MYBPH: variants seen among roughly 807,000 people sequenced by gnomAD.
The protein encoded by MYBPH is myosin-binding protein H.
Under a neutral mutation model 53.6 loss-of-function variants are expected in MYBPH, and 49 were observed. The observed-to-expected ratio is 0.91, with a 90% CI of 0.73 to 1.16. The LOEUF (loss-of-function observed/expected upper bound fraction) is 1.16. Ranked by LOEUF, MYBPH falls within the 50% of genes most tolerant of loss-of-function variation. The pLI is 0.00. For synonymous variants in MYBPH, 239 were observed against 249.6 expected (o/e 0.96, Z 0.40); for missense variants, 558 against 624.1 (o/e 0.89, Z 1.13).
rs181073092 is a variant in MYBPH at position 203,172,090 on chromosome 1, T to C, written c.509-50A>G. 1,599 of 1,173,376 alleles carry C rather than the reference T, an allele frequency of 1.4e-3. 12 individuals carry two copies. The African/African-American group carries it at 0.023, about 17-fold the overall frequency. The allele number at this position is 1,173,376 out of a possible 1,614,324, so 72.7% of individuals were successfully genotyped here. ...TTAGCAGTGCAGTGGGGTGGCTGAT[T>C]GGGGTTTCTGAGATGGGGCAGGGGA... On this transcript the variant is annotated intron_variant, in intron 3 of 10. Coordinates refer to ENST00000255416, the MANE Select transcript of MYBPH (RefSeq NM_004997.3).
At chr1:203,176,579 A>G (rs1655814360), upstream of MYBPH, among the ~76,000 whole-genome samples, 1 of 151,992 alleles carries the variant, frequency 6.6e-6, no homozygotes, top group Admixed American at 6.6e-5. Flanking sequence ...AGTGGAGGAG[A>G]GCACTCTGAA....
chr1:203,172,031 T>C lies in MYBPH; in HGVS notation c.518A>G (p.Lys173Arg). 1 of 1,317,410 alleles carries C rather than the reference T, an allele frequency of 7.6e-7. No individual in the cohort carries two copies. Among genetic ancestry groups the C allele is most frequent in the South Asian group, 3.2e-5 (1 of 31,644 alleles). 81.6% of individuals were successfully genotyped at this position (1,317,410 alleles called of 1,614,324 possible). The part of the protein sequence containing the change: ...IHIRENIEAP[K>R]IRVPRHLRQT... Reference sequence around the variant, plus strand: ...ACGGAGGTGGCGGGGGACACGGATCTTGGGGGCCTCTGGATCAAAGCAAGA... The same window carrying C: ...ACGGAGGTGGCGGGGGACACGGATCCTGGGGGCCTCTGGATCAAAGCAAGA... Residue 173 changes from lysine to arginine, a missense_variant, in exon 4 of 11, where the codon AAG becomes AGG. Lys to Arg is a conservative substitution (Grantham distance 26). Transcript: ENST00000255416.
chr1:203,175,542 T>G lies in MYBPH; in HGVS notation c.205+9A>C. ...GCCTCCCTCCTCCCCCTGCCCCACC[T>G]TCAGTCACCTTCACTTGGGGGTGCA... On this transcript the variant is annotated intron_variant, in intron 1 of 10. Coordinates refer to ENST00000255416, the MANE Select transcript of MYBPH (RefSeq NM_004997.3). The G allele has an allele frequency of 1.2e-6, 2 of 1,613,532 alleles. No individual in the cohort carries two copies. Among genetic ancestry groups the G allele is most frequent in the South Asian group, 2.2e-5 (2 of 91,070 alleles).
intron 7 of MYBPH, 78 bp from the exon 8 acceptor site, chr1:203,169,467 A>G (rs1655655279): frequency 6.5e-7 from 1 of 1,526,720 alleles, no homozygotes; most frequent in Non-Finnish European, 8.9e-7. Context: ...CTATGATTCA[A>G]GATCTATGGA....
intron 7 of MYBPH, among the ~76,000 whole-genome samples, chr1:203,170,075 T>G (rs1655665988): frequency 6.6e-6 from 1 of 152,190 alleles, no homozygotes; most frequent in East Asian, 1.9e-4. Flanking sequence ...TTCATTTGTG[T>G]GGATTTGCTC....
intron 2 of MYBPH, among the ~76,000 whole-genome samples, chr1:203,174,848 G>A: frequency 6.6e-6 from 1 of 152,134 alleles, no homozygotes; most frequent in East Asian, 1.9e-4. Flanking sequence ...AAGTCACACA[G>A]CAAGGTAGGG....
At chr1:203,175,880 C>T (rs553493887), upstream of MYBPH, 1,134 of 927,708 alleles carry the variant, frequency 1.2e-3, no homozygotes, top group Non-Finnish European at 1.6e-3. Context: ...CCACCCCCAG[C>T]AAACGATTCC....
intron 10 of MYBPH, 146 bp downstream of exon 10, chr1:203,168,481 T>C (rs772622964): frequency 2.4e-5 from 18 of 760,104 alleles, no homozygotes; most frequent in Admixed American, 1.3e-4. Flanking sequence ...TCTCTGGACA[T>C]GCGTGCTAGT....
At position 203,170,308 on chromosome 1, in the gene MYBPH, G is replaced by A. The variant is rs1655670678; in HGVS notation, c.1076C>T (p.Ala359Val). The change falls in exon 7 of 11, where the codon GCC (alanine) becomes GTC (valine). Residue 359 changes from alanine (A) to valine (V), a missense_variant. Transcript: ENST00000255416. ...STSATVTKEL[A>V]HIQKADIAAK... ...AAACCCACCTGCCTTCTGGATGTGG[G>A]CGAGCTCCTTGGTGACGGTGGCCGA... The A allele has an allele frequency of 6.2e-7, 1 of 1,614,032 alleles. No homozygotes were observed. The highest frequency in any genetic ancestry group is 1.7e-5 in the Admixed American group (1 of 60,000).
Position 203,168,890 on chromosome 1 carries a change from G to A in MYBPH, c.1417+16C>T, listed in dbSNP as rs376342161. ...GAGAGGTGCTTACTCCTGTTCTCCC[G>A]TCCTCAAACTCTCACCTTTGACCTC... On this transcript the variant is annotated intron_variant, in intron 9 of 10. Coordinates refer to ENST00000255416, the MANE Select transcript of MYBPH (RefSeq NM_004997.3). 62 of 1,613,052 alleles carry A rather than the reference G, an allele frequency of 3.8e-5. No homozygotes were observed. The Middle Eastern group carries it at 4.9e-4, about 13-fold the overall frequency.
At chr1:203,168,572 C>T (rs1655628891) in intron 10 of MYBPH, 55 bp downstream of exon 10, 3 of 1,526,666 alleles carry the variant, frequency 2.0e-6, no homozygotes, top group South Asian at 2.4e-5. Flanking sequence ...CTGGCCTCCT[C>T]TCTGCTTCTG....
At chr1:203,169,158 C>A (rs12028355) in intron 8 of MYBPH, 66 bp from the exon 9 acceptor site, 2 of 1,591,798 alleles carry the variant, frequency 1.3e-6, no homozygotes, top group East Asian at 4.5e-5. Flanking sequence ...AACAGCTATC[C>A]CCAGGCTTAG....
Position 203,171,113 on chromosome 1 carries a change from C to A in MYBPH, c.881G>T (p.Gly294Val), listed in dbSNP as rs1274204902. 1.2e-6 allele frequency: 2 copies of A among 1,613,246 alleles called. No homozygotes were observed. The highest frequency in any genetic ancestry group is 2.2e-5 in the South Asian group (2 of 90,952). The change falls in exon 6 of 11, where the codon GGC becomes GTC. Residue 294 changes from glycine to valine, a missense_variant. Physicochemically the swap from Gly to Val is moderately radical, Grantham distance 109. Coordinates refer to ENST00000255416, the MANE Select transcript of MYBPH (RefSeq NM_004997.3). The surrounding 1 kb of genome is among the most constrained non-coding windows in gnomAD (Gnocchi z 4.2). ...ALQWTPPQDT[G>V]NTELLGYMVQ... ...CATGTAGCCCAGGAGCTCTGTGTTGCCTGTGTCCTGGGGTGGCGTCCACTG... is the reference window on the plus strand; with the variant it reads ...CATGTAGCCCAGGAGCTCTGTGTTGACTGTGTCCTGGGGTGGCGTCCACTG...
Position 203,171,211 on chromosome 1 carries a change from A to C in MYBPH, c.794-11T>G, listed in dbSNP as rs1655688802. 1 of 1,576,670 alleles carries C rather than the reference A, an allele frequency of 6.3e-7. No individual in the cohort carries two copies. The highest frequency in any genetic ancestry group is 1.8e-5 in the Admixed American group (1 of 54,162). ...GGGGTCCAGGTTTCTCTGTAGGCCC[A>C]GAGTGTGAGAGGAAGTGAGTGTGAG... On this transcript the variant is annotated splice_polypyrimidine_tract_variant and intron_variant, in intron 5 of 10. Coordinates refer to ENST00000255416, the MANE Select transcript of MYBPH (RefSeq NM_004997.3). The surrounding 1 kb of genome is among the most constrained non-coding windows in gnomAD (Gnocchi z 4.2).
intron 3 of MYBPH, among the ~76,000 whole-genome samples, chr1:203,172,996 T>A (rs1655728906): frequency 6.6e-6 from 1 of 152,184 alleles, no homozygotes; most frequent in Non-Finnish European, 1.5e-5. Context: ...GCTTGGCAGC[T>A]CCAGGTGGCC....
upstream of MYBPH, among the ~76,000 whole-genome samples, chr1:203,177,481 G>A (rs1655835432): frequency 1.3e-5 from 2 of 152,202 alleles, no homozygotes; most frequent in Admixed American, 6.5e-5. Flanking sequence ...CCAGGGTGTG[G>A]CTGCCTCTCA....
At chr1:203,177,752 G>T (rs1471421789), upstream of MYBPH, among the ~76,000 whole-genome samples, 2 of 152,270 alleles carry the variant, frequency 1.3e-5, no homozygotes, top group Admixed American at 6.5e-5. Context: ...GCAGTTGGCT[G>T]CCCACAAGGG....
chr1:203,168,989 C>G lies in MYBPH; in HGVS notation c.1334G>C (p.Ser445Thr), dbSNP rs749735079. Residue 445 changes from serine to threonine, a missense_variant, in exon 9 of 11, where the codon AGC (serine) becomes ACC (threonine). Ser to Thr is a moderately conservative substitution (Grantham distance 58). Transcript: ENST00000255416. ...GVCTLEIRKP[S>T]PFDSGVYTCK... is the part of the protein sequence containing the mutation. The stretch of plus-strand genomic sequence containing the variant: ...GGTGTAGACCCCAGAATCAAAGGGG[C>G]TGGGTTTCCGGATCTCTAGGGTGCA... 1 of 1,613,986 alleles carries G rather than the reference C, an allele frequency of 6.2e-7. No homozygotes were observed. Among genetic ancestry groups the G allele is most frequent in the Non-Finnish European group, 8.5e-7 (1 of 1,180,032 alleles).
upstream of MYBPH, chr1:203,179,189 C>G (rs1474167736): frequency 3.2e-5 from 11 of 343,960 alleles, no homozygotes; most frequent in Non-Finnish European, 5.8e-5. Flanking sequence ...GTAAACATTT[C>G]CATTAATCAA....
Sources: gnomAD v4.1 joint callset for allele counts (sites outside exome capture counted in the v4.1 genomes callset) on GRCh38, gnomAD v4.1.1 for gene constraint, Gnocchi (gnomAD v3.1) non-coding constraint, MANE v1.5 for transcripts, NCBI Gene and HGNC (gene_info 2026-07-23, HGNC 2026-07-21) for gene names.